Variants in FXYD5 observed in about 807,000 individuals in gnomAD.
FXYD5 encodes the protein FXYD domain containing ion transport regulator 5.
A neutral mutation model predicts 25.7 loss-of-function variants in FXYD5; 21 were observed. That is an observed-to-expected ratio of 0.82 (90% CI 0.58 to 1.18). The LOEUF (loss-of-function observed/expected upper bound fraction) is 1.18, where lower values mean the gene tolerates loss of function less well. Ranked by LOEUF, FXYD5 falls within the 50% of genes most tolerant of loss-of-function variation. The probability of loss-of-function intolerance (pLI) is 0.00; values close to 1 mark genes in which losing one functional copy is unlikely to be tolerated. For synonymous variants in FXYD5, 101 were observed against 90.7 expected, an observed-to-expected ratio of 1.11 and a Z score of -0.64; for missense variants, 229 against 227.7, an observed-to-expected ratio of 1.01 and a Z score of -0.04.
At position 35,155,569 on chromosome 19, in the gene FXYD5, C is replaced by G; in HGVS notation, c.19C>G (p.Leu7Val). The G allele has an allele frequency of 6.2e-7, 1 of 1,610,872 alleles. No individual in the cohort carries two copies. The highest frequency in any genetic ancestry group is 8.5e-7 in the Non-Finnish European group (1 of 1,179,878). The change falls in exon 2 of 9, where the codon CTG becomes GTG. Residue 7 changes from leucine (L) to valine (V), a missense_variant. Physicochemically the swap from Leu to Val is conservative, Grantham distance 32. Coordinates refer to ENST00000392219, the MANE Select transcript of FXYD5 (RefSeq NM_014164.6). ...CCCACAGATGTCGCCCTCTGGTCGC[C>G]TGTGTCTTCTCACCATCGTTGGCCT... MSPSGR[L>V]CLLTIVGLIL...
Position 35,169,480 on chromosome 19 carries a change from G to T in FXYD5, c.488-86G>T, listed in dbSNP as rs2065479169. ...TTTGAGTTTCCCGAGGGGCAGGGTT[G>T]ATCAATCTGGTTCCCCAGCCCCACA... is the stretch of plus-strand genomic sequence containing the variant. On this transcript the variant is annotated intron_variant, in intron 8 of 8. Coordinates refer to ENST00000392219, the MANE Select transcript of FXYD5 (RefSeq NM_014164.6). 1.5e-5 allele frequency: 15 copies of T among 1,005,826 alleles called. No homozygotes were observed. The Middle Eastern group carries it at 6.2e-4, about 41-fold the overall frequency. 62.3% of individuals were successfully genotyped at this position (1,005,826 alleles called of 1,614,324 possible). A position where few individuals can be genotyped will look rare whatever the true frequency, so the allele number is the denominator to read the frequency against.
chr19:35,155,772 C>T (rs576573946), intron 2 of FXYD5, among the ~76,000 whole-genome samples, 161 bp downstream of exon 2: 6 of 152,336 alleles, frequency 3.9e-5, no homozygotes, highest in South Asian at 2.1e-4. Flanking sequence ...GGCGGGGCGA[C>T]GTTACACCCT....
rs977296852 is a variant in FXYD5, at chr19:35,163,890, G to T, written c.293-266G>T. 15 of 1,013,466 alleles carry T rather than the reference G, an allele frequency of 1.5e-5. No individual in the cohort carries two copies. In the East Asian group the frequency reaches 4.0e-4, roughly 27 times the overall value. 62.8% of individuals were successfully genotyped at this position (1,013,466 alleles called of 1,614,324 possible). On this transcript the variant is annotated intron_variant, in intron 5 of 8. Transcript: ENST00000392219. The stretch of plus-strand genomic sequence containing the variant: ...ATCTCCTGGATTATAGTGTGGGCCA[G>T]AAGGTCCTAGGAGAGGGGTCTGGAG...
chr19:35,166,551 T>G lies in FXYD5; in HGVS notation c.487+226T>G, dbSNP rs551038509. The G allele has an allele frequency of 8.5e-6, 4 of 471,730 alleles. No homozygotes were observed. In the East Asian group the frequency reaches 1.3e-4, roughly 16 times the overall value. 29.2% of individuals were successfully genotyped at this position (471,730 alleles called of 1,614,324 possible). On this transcript the variant is annotated intron_variant, in intron 8 of 8. Coordinates refer to ENST00000392219, the MANE Select transcript of FXYD5 (RefSeq NM_014164.6). Reference sequence around the variant, plus strand: ...TAGGCTGGGCTCAGCTGGGTGATTCTTCTGGTCTCAACTGGATTTACTCTT... The same window carrying G: ...TAGGCTGGGCTCAGCTGGGTGATTCGTCTGGTCTCAACTGGATTTACTCTT...
intron 5 of FXYD5, 102 bp from the exon 6 acceptor site, chr19:35,164,054 T>G (rs2145423928): frequency 1.3e-6 from 2 of 1,584,360 alleles, no homozygotes; most frequent in East Asian, 4.7e-5. Context: ...GCTGTGTAGA[T>G]GTGGGAGAGG....
intron 4 of FXYD5, among the ~76,000 whole-genome samples, chr19:35,160,174 A>G (rs2065392200): frequency 6.6e-6 from 1 of 152,198 alleles, no homozygotes; most frequent in African/African-American, 2.4e-5. Flanking sequence ...GCACCACTGC[A>G]CTCCAGCTCA....
chr19:35,157,692 T>G lies in FXYD5; in HGVS notation c.142+191T>G, dbSNP rs1366883664. On this transcript the variant is annotated intron_variant, in intron 3 of 8. Transcript: ENST00000392219. ...AGAACCTCTCTCCACCTCTTGGTTC[T>G]GTTTTCTCTGTGTTGGCTTCATTTT... 1.5e-5 allele frequency: 7 copies of G among 469,274 alleles called. No individual in the cohort carries two copies. In the East Asian group the frequency reaches 2.7e-4, roughly 18 times the overall value. The allele number at this position is 469,274 out of a possible 1,614,324, so 29.1% of individuals were successfully genotyped here.
Position 35,156,058 on chromosome 19 carries a change from A to AG in FXYD5, c.61+453dup, listed in dbSNP as rs1214385302. On this transcript the variant is annotated intron_variant, in intron 2 of 8. Transcript: ENST00000392219. ...GTGTCTCCTGAAAGATGGGAACCACAGGGGGGTATTGATCGTTCTTTCTGT... is the reference window on the plus strand; with the variant it reads ...GTGTCTCCTGAAAGATGGGAACCACAGGGGGGGTATTGATCGTTCTTTCTGT... Among the ~76,000 whole-genome samples, 6 of 152,308 alleles carry AG rather than the reference A, an allele frequency of 3.9e-5. No homozygotes were observed. In the East Asian group the frequency reaches 9.7e-4, roughly 25 times the overall value.
At chr19:35,158,315 C>G in intron 3 of FXYD5, 29 bp from the exon 4 acceptor site, 4 of 1,523,230 alleles carry the variant, frequency 2.6e-6, no homozygotes, top group Non-Finnish European at 3.6e-6. Flanking sequence ...CTCCTTTTCT[C>G]TCCGTGACTC....
At chr19:35,164,078 T>C in intron 5 of FXYD5, 78 bp from the exon 6 acceptor site, 1 of 1,606,866 alleles carries the variant, frequency 6.2e-7, no homozygotes, top group South Asian at 1.1e-5. Context: ...TTCTTCCAGA[T>C]GCAGACTCTC....
intron 6 of FXYD5, 32 bp downstream of exon 6, chr19:35,164,277 G>C (rs769051096): frequency 1.3e-6 from 2 of 1,585,488 alleles, no homozygotes; most frequent in African/African-American, 2.7e-5. Context: ...CTGGAAACAG[G>C]CTATTTTCTG....
At chr19:35,169,510 A>T in intron 8 of FXYD5, 56 bp from the exon 9 acceptor site, 1 of 1,328,254 alleles carries the variant, frequency 7.5e-7, no homozygotes, top group Non-Finnish European at 1.1e-6. Flanking sequence ...CCCACAACAC[A>T]CGATAAGAAT....
chr19:35,163,313 C>A (rs374791935), intron 5 of FXYD5, among the ~76,000 whole-genome samples: 1 of 151,924 alleles, frequency 6.6e-6, no homozygotes, highest in Non-Finnish European at 1.5e-5. Context: ...CACGAGGGAG[C>A]TTCTCTGTCT....
At chr19:35,167,538 G>C (rs917576882) in intron 8 of FXYD5, among the ~76,000 whole-genome samples, 1 of 152,152 alleles carries the variant, frequency 6.6e-6, no homozygotes. Flanking sequence ...GTGGGGAAAG[G>C]CAGAATAACA....
At chr19:35,159,341 A>G (rs1389935822) in intron 4 of FXYD5, among the ~76,000 whole-genome samples, 2 of 152,138 alleles carry the variant, frequency 1.3e-5, no homozygotes, top group African/African-American at 4.8e-5. Context: ...CATCCCATGT[A>G]TATTACTTGG....
chr19:35,166,096 A>G, intron 6 of FXYD5, 46 bp from the exon 7 acceptor site: 1 of 1,606,288 alleles, frequency 6.2e-7, no homozygotes, highest in Non-Finnish European at 8.5e-7. Flanking sequence ...TATTCACTTC[A>G]CAAACCTTTG....
rs1180211617 is a variant in FXYD5 at position 35,157,659 on chromosome 19, A to T, written c.142+158A>T. 3 of 533,032 alleles carry T rather than the reference A, an allele frequency of 5.6e-6. No homozygotes were observed. In the African/African-American group the frequency reaches 5.8e-5, roughly 10 times the overall value. The allele number at this position is 533,032 out of a possible 1,614,324, so 33.0% of individuals were successfully genotyped here. ...ATGGCTTGATCTAGGTGCTCAAATG[A>T]TGCTATCAGAACCTCTCTCCACCTC... On this transcript the variant is annotated intron_variant, in intron 3 of 8. Coordinates refer to ENST00000392219, the MANE Select transcript of FXYD5 (RefSeq NM_014164.6).
chr19:35,164,229 G>A lies in FXYD5; in HGVS notation c.366G>A (p.Gln122=), dbSNP rs2124894. The A allele has an allele frequency of 6.2e-7, 1 of 1,612,680 alleles. No individual in the cohort carries two copies. Among genetic ancestry groups the A allele is most frequent in the African/African-American group, 1.3e-5 (1 of 74,844 alleles). ...GCACAGACGTCCAGACAGACCCCCAGACCCTCAAGCCATCTGGTTAGTAAC... is the reference window on the plus strand; with the variant it reads ...GCACAGACGTCCAGACAGACCCCCAAACCCTCAAGCCATCTGGTTAGTAAC... ...SPSTDVQTDP[Q]TLKPSGFHED... Residue 122 remains glutamine, a synonymous_variant, in exon 6 of 9, where the codon CAG becomes CAA. Transcript: ENST00000392219.
At chr19:35,160,934 G>T in intron 5 of FXYD5, 133 bp downstream of exon 5, 1 of 612,192 alleles carries the variant, frequency 1.6e-6, no homozygotes, top group East Asian at 2.9e-5. Context: ...AATGTTTTTG[G>T]TTTGTGGTCA....
Sources: gnomAD v4.1 joint callset for allele counts (sites outside exome capture counted in the v4.1 genomes callset) on GRCh38, gnomAD v4.1.1 for gene constraint, MANE v1.5 for transcripts, NCBI Gene and HGNC (gene_info 2026-07-23, HGNC 2026-07-21) for gene names.